CHST15: variants seen among roughly 807,000 people sequenced by gnomAD.
The protein encoded by CHST15 is carbohydrate sulfotransferase 15, also known as B cell RAG associated protein (GALNAC4S-6ST).
CHST15 carries 30 observed loss-of-function variants against 53.6 expected under a neutral mutation model. The ratio of observed to expected loss-of-function variants is 0.56; its 90% confidence interval spans 0.42 to 0.76. The LOEUF is 0.76. Among genes scored for constraint, CHST15 ranks in the 30% least tolerant of loss-of-function variants. The pLI is 0.00. For missense variants in CHST15, 627 were observed against 740.5 expected (o/e 0.85, Z 1.78); for synonymous variants, 296 against 289.8 (o/e 1.02, Z -0.22).
At chr10:124,076,678 A>G (rs569534450) in intron 1 of CHST15, among the ~76,000 whole-genome samples, 13 of 151,798 alleles carry the variant, frequency 8.6e-5, no homozygotes, top group African/African-American at 2.9e-4. Flanking sequence ...TACAGAATGT[A>G]TTGTTCTGCT....
intron 1 of CHST15, among the ~76,000 whole-genome samples, chr10:124,078,932 G>C (rs1949156752): frequency 6.6e-6 from 1 of 152,150 alleles, no homozygotes; most frequent in South Asian, 2.1e-4. Context: ...CTTCTTGTGA[G>C]TCTGAAATTA....
At position 124,009,398 on chromosome 10, in the gene CHST15, A is replaced by AT; in HGVS notation, c.*750dup. 1.2e-5 allele frequency: 12 copies of AT among 1,009,802 alleles called. No individual in the cohort carries two copies. Among genetic ancestry groups the AT allele is most frequent in the Non-Finnish European group, 1.4e-5 (12 of 843,584 alleles). The allele number at this position is 1,009,802 out of a possible 1,614,324, so 62.6% of individuals were successfully genotyped here. ...AACGCATTCATTTTCTATGTTAAAC[A>AT]TAAGTCCACAAGGACAGAATAGGAG... On this transcript the variant is annotated 3_prime_UTR_variant, in exon 8 of 8. Coordinates refer to ENST00000435907, the MANE Select transcript of CHST15 (RefSeq NM_001270764.2).
chr10:124,092,957 G>C (rs1263189776), intron 1 of CHST15, among the ~76,000 whole-genome samples: 1 of 152,206 alleles, frequency 6.6e-6, no homozygotes, highest in African/African-American at 2.4e-5. Context: ...CGCGGCTTGC[G>C]CCCCCCGCCG....
intron 1 of CHST15, among the ~76,000 whole-genome samples, chr10:124,084,249 A>G (rs1213943380): frequency 6.6e-6 from 1 of 152,144 alleles, no homozygotes; most frequent in East Asian, 1.9e-4. Flanking sequence ...TCGGGGAGTC[A>G]CAGCTGAGGG....
chr10:124,087,583 G>A (rs1260271275), intron 1 of CHST15, among the ~76,000 whole-genome samples: 1 of 152,152 alleles, frequency 6.6e-6, no homozygotes, highest in Admixed American at 6.5e-5. Context: ...CCATTATAAT[G>A]ATACCCTCTG....
intron 1 of CHST15, among the ~76,000 whole-genome samples, chr10:124,091,835 C>T (rs1450516104): frequency 6.6e-6 from 1 of 152,218 alleles, no homozygotes; most frequent in Non-Finnish European, 1.5e-5. Context: ...GGGCGCGGAC[C>T]TCCAGCCGCC....
intron 1 of CHST15, among the ~76,000 whole-genome samples, chr10:124,059,349 A>G (rs1948483243): frequency 6.6e-6 from 1 of 152,230 alleles, no homozygotes; most frequent in African/African-American, 2.4e-5. Flanking sequence ...GCTGTGGTGT[A>G]TTTAGACTAC....
At chr10:124,086,204 G>C (rs1949416765) in intron 1 of CHST15, among the ~76,000 whole-genome samples, 1 of 152,238 alleles carries the variant, frequency 6.6e-6, no homozygotes, top group Non-Finnish European at 1.5e-5. Context: ...TCCTACAGCA[G>C]ACAACAACAC....
chr10:124,073,479 G>A (rs907724302), intron 1 of CHST15, among the ~76,000 whole-genome samples: 5 of 152,184 alleles, frequency 3.3e-5, no homozygotes, highest in South Asian at 2.1e-4. Context: ...CCTGATCTAG[G>A]TACTGGTTGC....
At chr10:124,021,442 C>T (rs9422312) in intron 5 of CHST15, 30 bp from the exon 6 acceptor site, 461,247 of 1,584,238 alleles carry the variant, frequency 0.29, 68,665 homozygotes, top group East Asian at 0.41. Flanking sequence ...ATATTTTTAC[C>T]ACCCATGAAC....
At chr10:124,063,464 A>G (rs1226140228) in intron 1 of CHST15, among the ~76,000 whole-genome samples, 1 of 152,196 alleles carries the variant, frequency 6.6e-6, no homozygotes, top group African/African-American at 2.4e-5. Context: ...AGTTTCTGAT[A>G]ACTCCACTCA....
intron 1 of CHST15, among the ~76,000 whole-genome samples, chr10:124,047,156 G>A (rs954132236): frequency 2.0e-5 from 3 of 152,206 alleles, no homozygotes; most frequent in Non-Finnish European, 4.4e-5. Context: ...AAAATCTCAA[G>A]AATACTAAGG....
At chr10:124,072,061 C>G (rs546735166) in intron 1 of CHST15, among the ~76,000 whole-genome samples, 1 of 152,328 alleles carries the variant, frequency 6.6e-6, no homozygotes, top group Admixed American at 6.5e-5. Context: ...CACTGCTTCC[C>G]CAAATTGAGT....
chr10:124,058,731 G>A (rs1228929716), intron 1 of CHST15, among the ~76,000 whole-genome samples: 1 of 152,160 alleles, frequency 6.6e-6, no homozygotes, highest in Non-Finnish European at 1.5e-5. Context: ...CAGAGTAAGT[G>A]CTCAATAAAT....
At chr10:124,048,228 C>A (rs1564886598) in intron 1 of CHST15, among the ~76,000 whole-genome samples, 1 of 152,340 alleles carries the variant, frequency 6.6e-6, no homozygotes, top group African/African-American at 2.4e-5. Flanking sequence ...ACACAGAATT[C>A]TTTACAGCTG....
Position 124,021,273 on chromosome 10 carries a change from G to C in CHST15, c.1330C>G (p.Leu444Val). 1.2e-6 allele frequency: 2 copies of C among 1,611,150 alleles called. No individual in the cohort carries two copies. Among genetic ancestry groups the C allele is most frequent in the Non-Finnish European group, 1.7e-6 (2 of 1,178,404 alleles). The change falls in exon 6 of 8, where the codon CTC (leucine) becomes GTC (valine). Residue 444 changes from leucine to valine, a missense_variant. Physicochemically the swap from Leu to Val is conservative, Grantham distance 32 (BLOSUM62 1). Coordinates refer to ENST00000435907, the MANE Select transcript of CHST15 (RefSeq NM_001270764.2). The stretch of plus-strand genomic sequence containing the variant: ...GTACACACAGGCATGGCGTTGTTGA[G>C]GGTGTTGTTGTAGACGCAGGCGCGC... ...SLRACVYNNT[L>V]NNAMPVRLQV... is the part of the protein sequence containing the mutation.
intron 1 of CHST15, among the ~76,000 whole-genome samples, chr10:124,087,338 G>A (rs760895678): frequency 3.3e-5 from 5 of 152,168 alleles, no homozygotes; most frequent in Admixed American, 6.5e-5. Context: ...CCCCTTGCTG[G>A]CCACACCACT....
intron 1 of CHST15, among the ~76,000 whole-genome samples, chr10:124,059,822 G>A (rs1948500884): frequency 6.6e-6 from 1 of 152,128 alleles, no homozygotes; most frequent in Non-Finnish European, 1.5e-5. Flanking sequence ...TAAGAATCTG[G>A]TTAACCCTTC....
At chr10:124,078,361 G>T (rs1379523587) in intron 1 of CHST15, among the ~76,000 whole-genome samples, 2 of 152,214 alleles carry the variant, frequency 1.3e-5, no homozygotes, top group African/African-American at 4.8e-5. Context: ...GTAAAATGGG[G>T]ATGTTAACTG....
Sources: allele counts gnomAD v4.1 joint callset (sites outside exome capture counted in the v4.1 genomes callset), GRCh38; gene constraint gnomAD v4.1.1; transcripts MANE v1.5; gene names NCBI Gene and HGNC (gene_info 2026-07-23, HGNC 2026-07-21).